Variants in PPP6R2 observed in about 807,000 individuals in gnomAD.
The protein encoded by PPP6R2 is protein phosphatase 6 regulatory subunit 2, also known as serine/threonine-protein phosphatase 6 regulatory subunit 2.
In PPP6R2, 62 loss-of-function variants were observed where a neutral mutation model predicts 100.2. The observed-to-expected ratio is 0.62, with a 90% CI of 0.50 to 0.76. The LOEUF is 0.76. Ranked by LOEUF, PPP6R2 falls within the 30% of genes least tolerant of loss-of-function variation. PPP6R2 has a pLI of 0.00. For missense variants in PPP6R2, 1,142 were observed against 1,276.3 expected (o/e 0.89, Z 1.60); for synonymous variants, 525 against 514.7 (o/e 1.02, Z -0.27).
chr22:50,359,380 G>A lies in PPP6R2; in HGVS notation c.-147-12640G>A, dbSNP rs1295402401. ...ACTACAGGCGCCCACCACCGCACCC[G>A]GCTAATTTTTTGTATTTTTAGTAGA... On this transcript the variant is annotated intron_variant, in intron 1 of 23. Transcript: ENST00000612753. Among the ~76,000 whole-genome samples, 10 of 151,986 alleles carry A rather than the reference G, an allele frequency of 6.6e-5. No individual in the cohort carries two copies. The South Asian group carries it at 1.5e-3, about 22-fold the overall frequency.
Position 50,359,429 on chromosome 22 carries a change from G to T in PPP6R2, c.-147-12591G>T, listed in dbSNP as rs538579635. On this transcript the variant is annotated intron_variant, in intron 1 of 23. Coordinates refer to ENST00000612753, the MANE Select transcript of PPP6R2 (RefSeq NM_001242898.2). ...GAGATGGGGTTTGCCGTGTTAGCCAGGATGGTCTCGATCTCCTGACCTTGT... is the reference window on the plus strand; with the variant it reads ...GAGATGGGGTTTGCCGTGTTAGCCATGATGGTCTCGATCTCCTGACCTTGT... Among the ~76,000 whole-genome samples the T allele has an allele frequency of 1.2e-4, 18 of 152,192 alleles. No homozygotes were observed. The East Asian group carries it at 3.5e-3, about 29-fold the overall frequency.
At position 50,440,926 on chromosome 22, in the gene PPP6R2, G is replaced by T; in HGVS notation, c.2479G>T (p.Asp827Tyr). The T allele has an allele frequency of 6.2e-7, 1 of 1,613,658 alleles. No homozygotes were observed. The highest frequency in any genetic ancestry group is 8.5e-7 in the Non-Finnish European group (1 of 1,179,994). ...SSGGSHSEDG[D>Y]QKAASAMDAV... is the part of the protein sequence containing the mutation. ...TGGGGGCTCCCACAGCGAGGATGGC[G>T]ACCAGAAGGCAGCGAGTGCCATGGA... Residue 827 changes from aspartate to tyrosine, a missense_variant, in exon 22 of 24, where the codon GAC becomes TAC. Asp to Tyr is a radical substitution (Grantham distance 160). Coordinates refer to ENST00000612753, the MANE Select transcript of PPP6R2 (RefSeq NM_001242898.2).
At chr22:50,424,633 C>CTTTTTTTTTTTTT (rs71198247) in intron 10 of PPP6R2, among the ~76,000 whole-genome samples, 15 of 74,264 alleles carry the variant, frequency 2.0e-4, no homozygotes, top group East Asian at 4.6e-4. Context: ...CCCTCTTCTT[C>CTTTTTTTTTTTTT]TTTTTTTTTT....
chr22:50,401,731 C>T (rs1003997964), intron 3 of PPP6R2, among the ~76,000 whole-genome samples: 2 of 151,976 alleles, frequency 1.3e-5, no homozygotes, highest in Non-Finnish European at 2.9e-5. Flanking sequence ...TAAGCTTCGC[C>T]TCCTGGGTTC....
intron 1 of PPP6R2, among the ~76,000 whole-genome samples, chr22:50,350,367 A>C (rs1036724032): frequency 2.0e-5 from 3 of 150,788 alleles, no homozygotes; most frequent in African/African-American, 7.3e-5. Flanking sequence ...AGTAGCGGGG[A>C]TTACAGGCGC....
At chr22:50,332,882 C>A in the PPP6R2 span, among the ~76,000 whole-genome samples, 2 of 151,900 alleles carry the variant, frequency 1.3e-5, no homozygotes, top group African/African-American at 2.4e-5. Flanking sequence ...TCTGCCTCCC[C>A]ATGGGCTGGG....
chr22:50,438,619 C>T lies in PPP6R2; in HGVS notation c.1985C>T (p.Ser662Leu). Residue 662 changes from serine to leucine, a missense_variant, in exon 19 of 24, where the codon TCA (serine) becomes TTA (leucine). Transcript: ENST00000612753. ...CCCAGGTTTGGAGCCCCCCATGCTTCAGAGAGTTGCTCAAAGAATGGCCCA... is the reference window on the plus strand; with the variant it reads ...CCCAGGTTTGGAGCCCCCCATGCTTTAGAGAGTTGCTCAAAGAATGGCCCA... The part of the protein sequence containing the change: ...ARPRFGAPHA[S>L]ESCSKNGPER... The T allele has an allele frequency of 1.9e-6, 3 of 1,614,000 alleles. No homozygotes were observed. The highest frequency in any genetic ancestry group is 2.5e-6 in the Non-Finnish European group (3 of 1,179,976).
At chr22:50,364,111 G>A (rs1331875773) in intron 1 of PPP6R2, among the ~76,000 whole-genome samples, 1 of 151,922 alleles carries the variant, frequency 6.6e-6, no homozygotes, top group African/African-American at 2.4e-5. Flanking sequence ...TAACCAGGCT[G>A]GTCTCAAACT....
chr22:50,367,523 G>T (rs2049007853), intron 1 of PPP6R2, among the ~76,000 whole-genome samples: 1 of 152,014 alleles, frequency 6.6e-6, no homozygotes, highest in Admixed American at 6.6e-5. Flanking sequence ...TAAGGAGTGG[G>T]CCTGGAGCTG....
chr22:50,439,493 C>G (rs907209942), intron 19 of PPP6R2, among the ~76,000 whole-genome samples: 10 of 152,162 alleles, frequency 6.6e-5, no homozygotes, highest in African/African-American at 2.2e-4. Flanking sequence ...GTCACACGCC[C>G]CATGGGTGTC....
upstream of PPP6R2, chr22:50,343,203 C>G (rs1241180803): frequency 3.3e-5 from 5 of 151,564 alleles, no homozygotes; most frequent in East Asian, 9.7e-4. Flanking sequence ...GTGCCCCACT[C>G]CAGGGGGCCC....
Position 50,406,815 on chromosome 22 carries a change from T to A in PPP6R2, c.354T>A (p.Pro118=). Residue 118 remains proline (P), a synonymous_variant, in exon 4 of 24, where the codon CCT becomes CCA. Coordinates refer to ENST00000612753, the MANE Select transcript of PPP6R2 (RefSeq NM_001242898.2). The stretch of plus-strand genomic sequence containing the variant: ...TGGACCATGAGCCGCCTCTCAATCC[T>A]CTGCTCGCCAGTTTTTTCAGCAAGA... ...DFLDHEPPLN[P]LLASFFSKTI... is the part of the protein sequence containing the mutation. The A allele has an allele frequency of 6.2e-7, 1 of 1,614,144 alleles. No individual in the cohort carries two copies. Among genetic ancestry groups the A allele is most frequent in the Non-Finnish European group, 8.5e-7 (1 of 1,180,016 alleles).
Position 50,444,047 on chromosome 22 carries a change from CT to C in PPP6R2, c.2762del (p.Leu921GlnfsTer20), listed in dbSNP as rs1569503787. ...VSSALAVAVP[L>X]GPIMAVTAAP... ...TTCTGCACTGGCCGTGGCGGTCCCC[CT>C]AGGGCCCATCATGGCAGTCACAGCA... On this transcript the variant is annotated frameshift_variant, in exon 23 of 24. Transcript: ENST00000612753. LOFTEE classifies it high-confidence loss of function. The C allele has an allele frequency of 1.2e-6, 2 of 1,613,116 alleles. No individual in the cohort carries two copies. The highest frequency in any genetic ancestry group is 2.2e-5 in the East Asian group (1 of 44,888).
At position 50,444,314 on chromosome 22, in the gene PPP6R2, T is replaced by C. The variant is rs2066576208; in HGVS notation, c.*67T>C. The C allele has an allele frequency of 2.7e-6, 4 of 1,474,422 alleles. No individual in the cohort carries two copies. The highest frequency in any genetic ancestry group is 3.7e-6 in the Non-Finnish European group (4 of 1,093,470). 91.3% of individuals were successfully genotyped at this position (1,474,422 alleles called of 1,614,324 possible). A position where few individuals can be genotyped will look rare whatever the true frequency, so the allele number is the denominator to read the frequency against. On this transcript the variant is annotated 3_prime_UTR_variant, in exon 24 of 24. Coordinates refer to ENST00000612753, the MANE Select transcript of PPP6R2 (RefSeq NM_001242898.2). Reference sequence around the variant, plus strand: ...CTCCTTAATCGAGAAAACTACCTGGTGATGCAATCTTTTTTTTTTTTAATT... The same window carrying C: ...CTCCTTAATCGAGAAAACTACCTGGCGATGCAATCTTTTTTTTTTTTAATT...
At chr22:50,392,909 A>G (rs56168974) in intron 2 of PPP6R2, among the ~76,000 whole-genome samples, 34,511 of 152,202 alleles carry the variant, frequency 0.23, 4,387 homozygotes, top group South Asian at 0.37. Flanking sequence ...TTTCTAAGTA[A>G]AAAATTAGAT....
Position 50,402,547 on chromosome 22 carries a change from C to T in PPP6R2, c.228-4142C>T, listed in dbSNP as rs184515906. Among the ~76,000 whole-genome samples, 907 of 152,268 alleles carry T rather than the reference C, an allele frequency of 6.0e-3. 12 individuals carry two copies. Among genetic ancestry groups the T allele is most frequent in the African/African-American group, 0.02 (819 of 41,564 alleles). On this transcript the variant is annotated intron_variant, in intron 3 of 23. Transcript: ENST00000612753. Reference sequence around the variant, plus strand: ...CCTGAATTCTCATCTCTAGTTGATGCCCCTTCTGTGGGCTCCTGAAACTCA... The same window carrying T: ...CCTGAATTCTCATCTCTAGTTGATGTCCCTTCTGTGGGCTCCTGAAACTCA...
intron 14 of PPP6R2, among the ~76,000 whole-genome samples, 185 bp downstream of exon 14, chr22:50,436,637 C>T (rs901090711): frequency 4.6e-5 from 7 of 152,220 alleles, no homozygotes; most frequent in African/African-American, 7.2e-5. Context: ...ACAGAGACCC[C>T]GTCCTGTGCC....
intron 9 of PPP6R2, 69 bp downstream of exon 9, chr22:50,422,449 G>C: frequency 6.3e-7 from 1 of 1,576,618 alleles, no homozygotes; most frequent in Non-Finnish European, 8.7e-7. Flanking sequence ...GCAGGGAGGA[G>C]AAGCCACAGC....
At chr22:50,393,789 G>A in intron 2 of PPP6R2, 104 bp from the exon 3 acceptor site, 1 of 1,547,290 alleles carries the variant, frequency 6.5e-7, no homozygotes, top group Non-Finnish European at 8.7e-7. Context: ...GCTGAGGGTG[G>A]ATCTGCAGAG....
Sources: gnomAD v4.1 joint callset for allele counts (sites outside exome capture counted in the v4.1 genomes callset) on GRCh38, gnomAD v4.1.1 for gene constraint, MANE v1.5 for transcripts, NCBI Gene and HGNC (gene_info 2026-07-23, HGNC 2026-07-21) for gene names.